UTS2B: variants seen among roughly 807,000 people sequenced by gnomAD.
UTS2B encodes urotensin-2B.
UTS2B carries 21 observed loss-of-function variants against 19.2 expected under a neutral mutation model. That is an observed-to-expected ratio of 1.09 (90% CI 0.78 to 1.58). The LOEUF is 1.58. Ranked by LOEUF, UTS2B falls within the 40% of genes most tolerant of loss-of-function variation. The pLI, the probability that UTS2B is intolerant of heterozygous loss-of-function variation, is 0.00. For synonymous variants in UTS2B, 57 were observed against 50.2 expected (o/e 1.14, Z -0.58); for missense variants, 138 against 130.3 (o/e 1.06, Z -0.29).
intron 4 of UTS2B, among the ~76,000 whole-genome samples, chr3:191,295,519 T>C (rs1382753338): frequency 3.3e-5 from 5 of 151,986 alleles, no homozygotes; most frequent in African/African-American, 1.2e-4. Context: ...CATGCTTTGA[T>C]ATATTCCTAG....
intron 4 of UTS2B, among the ~76,000 whole-genome samples, chr3:191,295,326 C>T (rs1321678397): frequency 6.6e-6 from 1 of 151,948 alleles, no homozygotes; most frequent in African/African-American, 2.4e-5. Flanking sequence ...TCCTCATTTT[C>T]CTGGGTATCT....
intron 3 of UTS2B, among the ~76,000 whole-genome samples, chr3:191,315,503 T>C (rs1464517060): frequency 6.6e-6 from 1 of 152,236 alleles, no homozygotes; most frequent in Non-Finnish European, 1.5e-5. Flanking sequence ...GGAATTGGAT[T>C]GGAGTTCACC....
intron 2 of UTS2B, among the ~76,000 whole-genome samples, chr3:191,321,225 T>C (rs58790774): frequency 0.056 from 8,563 of 152,200 alleles, 804 homozygotes; most frequent in African/African-American, 0.2. Context: ...GGTTAGTTTT[T>C]ATGTACAGTA....
At chr3:191,273,517 G>C in intron 8 of UTS2B, 1 of 456,660 alleles carries the variant, frequency 2.2e-6, no homozygotes, top group Non-Finnish European at 4.4e-6. Context: ...CTTCTGTTTT[G>C]GCAATGTTGG....
intron 4 of UTS2B, among the ~76,000 whole-genome samples, chr3:191,290,121 G>A (rs1716672032): frequency 6.6e-6 from 1 of 152,114 alleles, no homozygotes; most frequent in Non-Finnish European, 1.5e-5. Context: ...AGAAGTCCCT[G>A]TTTCATGACC....
chr3:191,343,562 T>C, the UTS2B span, among the ~76,000 whole-genome samples: 3 of 152,362 alleles, frequency 2.0e-5, no homozygotes, highest in South Asian at 4.1e-4. Context: ...TTTTTACTCA[T>C]CTTTATGATT....
Position 191,276,799 on chromosome 3 carries a change from AT to A in UTS2B, c.240+7del. ...AAAACTGCTCATTTAAGTATTTCAC[AT>A]TCTCACCTGGTTAAGTTCTTCCAGT... On this transcript the variant is annotated splice_region_variant and intron_variant, in intron 7 of 8. Coordinates refer to ENST00000340524, the MANE Select transcript of UTS2B (RefSeq NM_198152.5). The A allele has an allele frequency of 6.2e-7, 1 of 1,610,778 alleles. No homozygotes were observed. Among genetic ancestry groups the A allele is most frequent in the African/African-American group, 1.3e-5 (1 of 74,986 alleles).
Position 191,268,368 on chromosome 3 carries a change from T to C in UTS2B, c.*48A>G, listed in dbSNP as rs753701245. 4.9e-6 allele frequency: 7 copies of C among 1,437,590 alleles called. No homozygotes were observed. Among genetic ancestry groups the C allele is most frequent in the Middle Eastern group, 1.8e-4 (1 of 5,520 alleles). The allele number at this position is 1,437,590 out of a possible 1,614,324, so 89.1% of individuals were successfully genotyped here. On this transcript the variant is annotated 3_prime_UTR_variant, in exon 9 of 9. Coordinates refer to ENST00000340524, the MANE Select transcript of UTS2B (RefSeq NM_198152.5). ...GCCTACAGCAGAGTGAGTAGATACA[T>C]ATATTTTCCTGATATTCTTATCTTT... is the stretch of plus-strand genomic sequence containing the variant.
chr3:191,325,173 G>GA (rs1717713673), intron 2 of UTS2B, among the ~76,000 whole-genome samples: 1 of 152,020 alleles, frequency 6.6e-6, no homozygotes, highest in Non-Finnish European at 1.5e-5. Flanking sequence ...CAGAGAGTGA[G>GA]AAAAAAAGGT....
At position 191,278,039 on chromosome 3, in the gene UTS2B, A is replaced by G. The variant is rs182082257; in HGVS notation, c.202+33T>C. On this transcript the variant is annotated intron_variant, in intron 6 of 8. Transcript: ENST00000340524. ...AAGACAAAATAAATTGTTATTTTTTAATAAATAGAGCTTGACTTTATGTTT... is the reference window on the plus strand; with the variant it reads ...AAGACAAAATAAATTGTTATTTTTTGATAAATAGAGCTTGACTTTATGTTT... The G allele has an allele frequency of 3.6e-3, 4,120 of 1,138,748 alleles. 14 individuals are homozygous for G. Among genetic ancestry groups the G allele is most frequent in the Non-Finnish European group, 4.5e-3 (3,660 of 812,136 alleles). The allele number at this position is 1,138,748 out of a possible 1,614,324, so 70.5% of individuals were successfully genotyped here.
chr3:191,305,328 T>A (rs1717108349), intron 3 of UTS2B, among the ~76,000 whole-genome samples: 2 of 152,190 alleles, frequency 1.3e-5, no homozygotes, highest in South Asian at 4.1e-4. Flanking sequence ...CACCAGCATC[T>A]ATTATTTTTT....
chr3:191,268,865 G>C (rs893087613), intron 8 of UTS2B, among the ~76,000 whole-genome samples: 2 of 152,158 alleles, frequency 1.3e-5, no homozygotes, highest in Admixed American at 1.3e-4. Context: ...AAGTAAAAAA[G>C]CAGTGCTAAT....
chr3:191,301,518 G>T (rs1283112790), intron 4 of UTS2B, among the ~76,000 whole-genome samples: 4 of 122,024 alleles, frequency 3.3e-5, no homozygotes, highest in African/African-American at 3.2e-5. Flanking sequence ...ATGGAGTCTC[G>T]CTCTGTCGCC....
chr3:191,271,809 TAA>T (rs1173041142), intron 8 of UTS2B, among the ~76,000 whole-genome samples: 2 of 152,208 alleles, frequency 1.3e-5, no homozygotes, highest in South Asian at 2.1e-4. Flanking sequence ...ACTGAAGATA[TAA>T]GATTCATATT....
At chr3:191,309,940 T>C (rs938650091) in intron 3 of UTS2B, among the ~76,000 whole-genome samples, 8 of 152,048 alleles carry the variant, frequency 5.3e-5, no homozygotes, top group Admixed American at 1.3e-4. Flanking sequence ...AGAATTTTTT[T>C]TTTCTTTCTT....
At chr3:191,330,711 C>T (rs1405240486), upstream of UTS2B, among the ~76,000 whole-genome samples, 2 of 152,172 alleles carry the variant, frequency 1.3e-5, no homozygotes, top group Non-Finnish European at 2.9e-5. Flanking sequence ...TTTTTGCTTT[C>T]TTGGAACCGC....
At chr3:191,328,080 AG>A (rs1717797531) in intron 2 of UTS2B, among the ~76,000 whole-genome samples, 1 of 152,222 alleles carries the variant, frequency 6.6e-6, no homozygotes, top group South Asian at 2.1e-4. Flanking sequence ...ATTCAAATTC[AG>A]TGGCGTAGAT....
chr3:191,329,987 T>C (rs950819932), intron 1 of UTS2B, among the ~76,000 whole-genome samples: 1 of 149,032 alleles, frequency 6.7e-6, no homozygotes, highest in Non-Finnish European at 1.5e-5. Context: ...TAGGTGGCTG[T>C]GCCCGTGTTC....
In UTS2B at chr3:191,267,373, T is replaced by G. The variant is rs957300439; in HGVS notation, c.*1043A>C. 2.0e-5 allele frequency: 3 copies of G among 152,218 alleles called. No individual in the cohort carries two copies. Among genetic ancestry groups the G allele is most frequent in the Admixed American group, 2.0e-4 (3 of 15,284 alleles). The allele number at this position is 152,218 out of a possible 1,614,324, so 9.4% of individuals were successfully genotyped here. A position where few individuals can be genotyped will look rare whatever the true frequency, so the allele number is the denominator to read the frequency against. On this transcript the variant is annotated 3_prime_UTR_variant, in exon 9 of 9. Transcript: ENST00000340524. ...ACATAAACCTTAAGCTTATCATAAT[T>G]GACTTAGTAACAAGAACAAGGTGAA...
Sources: allele counts gnomAD v4.1 joint callset (sites outside exome capture counted in the v4.1 genomes callset), GRCh38; gene constraint gnomAD v4.1.1; transcripts MANE v1.5; gene names NCBI Gene and HGNC (gene_info 2026-07-23, HGNC 2026-07-21).